Variants in EEA1 observed in about 807,000 individuals in gnomAD.
The protein encoded by EEA1 is early endosome antigen 1, 162kD.
In EEA1, 111 loss-of-function variants were observed where a neutral mutation model predicts 209.2. The ratio of observed to expected loss-of-function variants is 0.53; its 90% CI spans 0.45 to 0.62. The LOEUF is 0.62. EEA1 is among the 20% of genes least tolerant of loss of function. The pLI is 0.00. For missense variants in EEA1, 1,343 were observed against 1,530.8 expected, an observed-to-expected ratio of 0.88 and a Z score of 2.05; for synonymous variants, 536 against 540.6, an observed-to-expected ratio of 0.99 and a Z score of 0.12.
At chr12:92,857,134 A>G in intron 5 of EEA1, 141 bp downstream of exon 5, 1 of 574,036 alleles carries the variant, frequency 1.7e-6, no homozygotes, top group South Asian at 2.7e-5. Flanking sequence ...GTTTGCATTC[A>G]TCAGAATTCA....
intron 1 of EEA1, among the ~76,000 whole-genome samples, chr12:92,923,371 T>C (rs1417490866): frequency 6.6e-6 from 1 of 152,114 alleles, no homozygotes; most frequent in Non-Finnish European, 1.5e-5. Context: ...AAATTTTCTG[T>C]GGCTCCTTAC....
Position 92,929,229 on chromosome 12 carries a change from C to A in EEA1, c.-163G>T. 1.6e-6 allele frequency: 1 copy of A among 608,886 alleles called. No homozygotes were observed. The highest frequency in any genetic ancestry group is 2.7e-6 in the Non-Finnish European group (1 of 372,098). 37.7% of individuals were successfully genotyped at this position (608,886 alleles called of 1,614,324 possible). A position where few individuals can be genotyped will look rare whatever the true frequency, so the allele number is the denominator to read the frequency against. The stretch of plus-strand genomic sequence containing the variant: ...GCCGCTCGGGCGGCCCCGACTTCCC[C>A]ACAGGCGGCGAGAGGGAGCACGCGA... On this transcript the variant is annotated 5_prime_UTR_variant, in exon 1 of 29. Transcript: ENST00000322349.
Position 92,929,171 on chromosome 12 carries a change from C to G in EEA1, c.-105G>C, listed in dbSNP as rs1233531253. On this transcript the variant is annotated 5_prime_UTR_variant, in exon 1 of 29. Coordinates refer to ENST00000322349, the MANE Select transcript of EEA1 (RefSeq NM_003566.4). ...GGGAGGGACTGGGCCGGGAGGGGAC[C>G]GGGAAGGAGGTCGGGGCGAGGCGGT... 1.3e-5 allele frequency: 15 copies of G among 1,178,260 alleles called. No individual in the cohort carries two copies. The highest frequency in any genetic ancestry group is 2.4e-5 in the Admixed American group (1 of 40,832). 73.0% of individuals were successfully genotyped at this position (1,178,260 alleles called of 1,614,324 possible).
At chr12:92,897,866 T>C (rs886579217) in intron 1 of EEA1, among the ~76,000 whole-genome samples, 4 of 152,204 alleles carry the variant, frequency 2.6e-5, no homozygotes, top group South Asian at 2.1e-4. Context: ...ATTGTTGGCA[T>C]TTTACAGCAA....
chr12:92,907,589 G>A lies in EEA1; in HGVS notation c.25-15868C>T, dbSNP rs554370274. 8.8e-4 allele frequency among the ~76,000 whole-genome samples: 134 copies of A among 152,116 alleles called. 2 individuals are homozygous for A. In the South Asian group the frequency reaches 0.02, roughly 23 times the overall value. Reference sequence around the variant, plus strand: ...TCATGTTGCAATCATCTCTCACCTGGACGATAAAAGAGACCTAATATAGCA... The same window carrying A: ...TCATGTTGCAATCATCTCTCACCTGAACGATAAAAGAGACCTAATATAGCA... On this transcript the variant is annotated intron_variant, in intron 1 of 28. Coordinates refer to ENST00000322349, the MANE Select transcript of EEA1 (RefSeq NM_003566.4).
chr12:92,916,730 CA>C lies in EEA1; in HGVS notation c.24+12312del, dbSNP rs1193349263. The stretch of plus-strand genomic sequence containing the variant: ...ACGCAGCTCCTCACCAGCAACAGAA[CA>C]AAGCTGGATGGAGAATGACTTTGAC... On this transcript the variant is annotated intron_variant, in intron 1 of 28. Transcript: ENST00000322349. Among the ~76,000 whole-genome samples the C allele has an allele frequency of 4.7e-5, 6 of 127,268 alleles. No homozygotes were observed. The East Asian group carries it at 1.2e-3, about 25-fold the overall frequency. 83.5% of individuals were successfully genotyped at this position (127,268 alleles called of 152,430 possible). A position where few individuals can be genotyped will look rare whatever the true frequency, so the allele number is the denominator to read the frequency against.
At position 92,778,585 on chromosome 12, in the gene EEA1, CTGTT is replaced by C. The variant is rs371211651; in HGVS notation, c.3655-410_3655-407del. Among the ~76,000 whole-genome samples the C allele has an allele frequency of 3.2e-3, 482 of 152,162 alleles. 2 individuals are homozygous for C. The highest frequency in any genetic ancestry group is 0.011 in the African/African-American group (460 of 41,548). On this transcript the variant is annotated intron_variant, in intron 25 of 28. Transcript: ENST00000322349. Reference sequence around the variant, plus strand: ...AAACCATTATGAAACCTTCAAATGACTGTTTGAAGTTAAAATTGAAACTCTTCAA... The same window carrying C: ...AAACCATTATGAAACCTTCAAATGACTGAAGTTAAAATTGAAACTCTTCAA...
At chr12:92,902,317 G>A (rs1378814343) in intron 1 of EEA1, among the ~76,000 whole-genome samples, 1 of 152,148 alleles carries the variant, frequency 6.6e-6, no homozygotes, top group Non-Finnish European at 1.5e-5. Context: ...AACAGGTAGA[G>A]GCAGCTAAGT....
Position 92,777,661 on chromosome 12 carries a change from C to T in EEA1, c.3896G>A (p.Cys1299Tyr). The T allele has an allele frequency of 1.2e-6, 2 of 1,610,566 alleles. No individual in the cohort carries two copies. The highest frequency in any genetic ancestry group is 1.7e-6 in the Non-Finnish European group (2 of 1,178,278). Reference protein sequence around the residue: ...QDERRALLERCLKGEGEIEKL... With the variant: ...QDERRALLERYLKGEGEIEKL... ...TTCTATTTCACCTTCTCCTTTAAGACATCTGGAATAGATTGCAAAGAGGTA... is the reference window on the plus strand; with the variant it reads ...TTCTATTTCACCTTCTCCTTTAAGATATCTGGAATAGATTGCAAAGAGGTA... The change falls in exon 27 of 29, where the codon TGT (cysteine) becomes TAT (tyrosine). Residue 1299 changes from cysteine (C) to tyrosine (Y), a missense_variant and splice_region_variant. Around this residue, in one of 3 missense-constraint regions of EEA1, gnomAD observed 1,307 missense variants for 1,465.5 expected, o/e 0.89. Coordinates refer to ENST00000322349, the MANE Select transcript of EEA1 (RefSeq NM_003566.4).
chr12:92,864,010 AT>A (rs1878262186), intron 3 of EEA1, among the ~76,000 whole-genome samples: 2 of 152,212 alleles, frequency 1.3e-5, no homozygotes, highest in South Asian at 4.1e-4. Flanking sequence ...AGCCAAAATT[AT>A]TAATTCACAC....
At chr12:92,904,117 C>T (rs1396115440) in intron 1 of EEA1, among the ~76,000 whole-genome samples, 2 of 152,058 alleles carry the variant, frequency 1.3e-5, no homozygotes, top group Admixed American at 1.3e-4. Context: ...CATGCACCAC[C>T]ACCCCGGCTA....
At chr12:92,929,279 AGCCTGCGAGCGCCTCCAGCC>A in exon 1 of EEA1, 2 of 338,096 alleles carry the variant, frequency 5.9e-6, no homozygotes, top group Non-Finnish European at 5.4e-6. Flanking sequence ...ACGACTAGGC[AGCCTGCGAGCGCCTCCAGCC>A]CGCCCGCCGG....
At chr12:92,921,714 C>T (rs1404367849) in intron 1 of EEA1, among the ~76,000 whole-genome samples, 1 of 122,160 alleles carries the variant, frequency 8.2e-6, no homozygotes, top group Non-Finnish European at 1.6e-5. Context: ...CTAACCTGCA[C>T]ATTTTGCACA....
intron 10 of EEA1, among the ~76,000 whole-genome samples, chr12:92,833,307 T>C (rs1229905080): frequency 6.6e-6 from 1 of 152,176 alleles, no homozygotes. Context: ...AACCTATTGA[T>C]TGCATCTTTT....
intron 2 of EEA1, among the ~76,000 whole-genome samples, chr12:92,868,856 T>G (rs2136728061): frequency 6.6e-6 from 1 of 152,316 alleles, no homozygotes; most frequent in Non-Finnish European, 1.5e-5. Context: ...TGAAAAGATG[T>G]CTTCTACCCT....
intron 2 of EEA1, among the ~76,000 whole-genome samples, chr12:92,878,218 T>C (rs545823053): frequency 2.0e-5 from 3 of 152,122 alleles, no homozygotes; most frequent in Middle Eastern, 3.4e-3. Context: ...TGGGGCAACA[T>C]AGCAAGACCC....
chr12:92,901,732 T>C (rs1880153266), intron 1 of EEA1, among the ~76,000 whole-genome samples: 2 of 152,112 alleles, frequency 1.3e-5, no homozygotes, highest in South Asian at 4.1e-4. Context: ...CATGCCCAGC[T>C]AATTTTTTGT....
rs986812669 is a variant in EEA1 at position 92,779,041 on chromosome 12, A to G, written c.3654+74T>C. 1.1e-5 allele frequency: 14 copies of G among 1,320,672 alleles called. No homozygotes were observed. The African/African-American group carries it at 2.1e-4, about 20-fold the overall frequency. 81.8% of individuals were successfully genotyped at this position (1,320,672 alleles called of 1,614,324 possible). On this transcript the variant is annotated intron_variant, in intron 25 of 28. Transcript: ENST00000322349. ...GAAAGCATTTCAATCAGATCTTATA[A>G]GTAGAACAGTCCTCTCACTGGATTG...
intron 9 of EEA1, among the ~76,000 whole-genome samples, chr12:92,844,008 T>C (rs1483379126): frequency 6.6e-6 from 1 of 152,188 alleles, no homozygotes; most frequent in African/African-American, 2.4e-5. Context: ...ATCCATTTTA[T>C]GGTGGCTTTG....
Sources: allele counts gnomAD v4.1 joint callset (sites outside exome capture counted in the v4.1 genomes callset), GRCh38; gene constraint gnomAD v4.1.1; regional missense constraint gnomAD v4.1.1; transcripts MANE v1.5; gene names NCBI Gene and HGNC (gene_info 2026-07-23, HGNC 2026-07-21).